NRXN1: variants seen among roughly 807,000 people sequenced by gnomAD.
NRXN1 encodes neurexin 1.
NRXN1 carries 39 observed loss-of-function variants against 150.9 expected under a neutral mutation model. That is an observed-to-expected ratio of 0.26 (90% CI 0.20 to 0.34). The LOEUF (loss-of-function observed/expected upper bound fraction) is 0.34, where lower values mean the gene tolerates loss of function less well. NRXN1 is among the 10% of genes least tolerant of loss of function. NRXN1 has a pLI of 1.00. For synonymous variants in NRXN1, 924 were observed against 757.0 expected (o/e 1.22, Z -3.62); for missense variants, 1,815 against 1,949.9 (o/e 0.93, Z 1.30).
At chr2:50,353,106 C>T (rs1403065424) in intron 17 of NRXN1, among the ~76,000 whole-genome samples, 2 of 152,086 alleles carry the variant, frequency 1.3e-5, no homozygotes, top group African/African-American at 2.4e-5. Context: ...TGCAGTTTGA[C>T]TTGGAAACGT....
At chr2:50,552,074 C>T (rs776362154) in intron 9 of NRXN1, among the ~76,000 whole-genome samples, 1 of 152,184 alleles carries the variant, frequency 6.6e-6, no homozygotes, top group Non-Finnish European at 1.5e-5. Context: ...TTTGGAAGGG[C>T]AGCAGAGCTT....
chr2:50,876,540 G>A (rs1452779381), intron 5 of NRXN1, among the ~76,000 whole-genome samples: 1 of 151,690 alleles, frequency 6.6e-6, no homozygotes, highest in Non-Finnish European at 1.5e-5. Flanking sequence ...CACCTTTCTG[G>A]TTCTCTTTGG....
At chr2:50,169,863 C>A (rs942381253) in intron 18 of NRXN1, among the ~76,000 whole-genome samples, 1 of 151,628 alleles carries the variant, frequency 6.6e-6, no homozygotes, top group Non-Finnish European at 1.5e-5. Flanking sequence ...GTGTGTTGGG[C>A]AGTTTGGTAC....
intron 15 of NRXN1, among the ~76,000 whole-genome samples, chr2:50,479,588 G>C (rs542395809): frequency 6.7e-6 from 1 of 150,310 alleles, no homozygotes; most frequent in African/African-American, 2.5e-5. Flanking sequence ...ATTAGTTGTT[G>C]ACTCACTGAA....
At chr2:50,167,760 A>C (rs2059775788) in intron 18 of NRXN1, among the ~76,000 whole-genome samples, 1 of 152,164 alleles carries the variant, frequency 6.6e-6, no homozygotes. Context: ...TATGCCTTTA[A>C]AAATTCTGAA....
rs1042899049 is a variant in NRXN1 at position 49,921,330 on chromosome 2, C to T, written c.*614G>A. 6.6e-6 allele frequency: 1 copy of T among 152,544 alleles called. No individual in the cohort carries two copies. Among genetic ancestry groups the T allele is most frequent in the Admixed American group, 6.5e-5 (1 of 15,276 alleles). 9.4% of individuals were successfully genotyped at this position (152,544 alleles called of 1,614,324 possible). ...CATTTTTGAAAATAAGGCCTCCATACTTTTTTTTCCTCTCTCACAACCAGA... is the reference window on the plus strand; with the variant it reads ...CATTTTTGAAAATAAGGCCTCCATATTTTTTTTTCCTCTCTCACAACCAGA... On this transcript the variant is annotated 3_prime_UTR_variant, in exon 23 of 23. Transcript: ENST00000401669.
chr2:50,055,826 T>G (rs1484406411), intron 19 of NRXN1, among the ~76,000 whole-genome samples: 1 of 152,196 alleles, frequency 6.6e-6, no homozygotes, highest in African/African-American at 2.4e-5. Flanking sequence ...TTTTATTAAG[T>G]TATTCTTTAA....
chr2:51,001,235 G>GGGGGT (rs1700025473), intron 2 of NRXN1, among the ~76,000 whole-genome samples: 4 of 99,930 alleles, frequency 4.0e-5, no homozygotes, highest in East Asian at 3.5e-4. Flanking sequence ...TCATGGGGTT[G>GGGGGT]GGGGGGGGGG....
chr2:50,507,995 A>C (rs1421177712), intron 12 of NRXN1, among the ~76,000 whole-genome samples: 2 of 151,894 alleles, frequency 1.3e-5, no homozygotes, highest in Non-Finnish European at 2.9e-5. Flanking sequence ...GAGAAGAAGA[A>C]AAAAAAAGAG....
intron 8 of NRXN1, among the ~76,000 whole-genome samples, chr2:50,618,144 C>T (rs572882394): frequency 2.4e-4 from 37 of 152,266 alleles, no homozygotes; most frequent in African/African-American, 8.4e-4. Context: ...CCTGGCCTGG[C>T]TCACAGTGAA....
At chr2:50,981,440 A>G (rs72828333) in intron 2 of NRXN1, among the ~76,000 whole-genome samples, 18,325 of 137,842 alleles carry the variant, frequency 0.13, 1,445 homozygotes, top group Middle Eastern at 0.17. Context: ...CCTGGGTGAC[A>G]GATAGAAACT....
At chr2:50,331,028 T>C (rs1428898152) in intron 17 of NRXN1, among the ~76,000 whole-genome samples, 2 of 152,048 alleles carry the variant, frequency 1.3e-5, no homozygotes, top group African/African-American at 4.8e-5. Context: ...GAATGCAAAA[T>C]TATAACCCAA....
chr2:50,062,264 T>A (rs1694659513), intron 19 of NRXN1, among the ~76,000 whole-genome samples: 1 of 152,014 alleles, frequency 6.6e-6, no homozygotes, highest in Non-Finnish European at 1.5e-5. Flanking sequence ...GATTAGGTCA[T>A]GAGGAAAGAG....
At chr2:50,546,354 T>C (rs2093493936) in intron 9 of NRXN1, among the ~76,000 whole-genome samples, 1 of 152,136 alleles carries the variant, frequency 6.6e-6, no homozygotes, top group Admixed American at 6.5e-5. Flanking sequence ...GTGAGTTTCT[T>C]TTCTTTAGAT....
chr2:50,922,407 T>A, intron 4 of NRXN1: 1 of 586,168 alleles, frequency 1.7e-6, no homozygotes, highest in Non-Finnish European at 3.1e-6. Flanking sequence ...TCACAATTTC[T>A]TATGTCTCAT....
intron 16 of NRXN1, among the ~76,000 whole-genome samples, chr2:50,466,160 C>T (rs2088819842): frequency 6.6e-6 from 1 of 151,492 alleles, no homozygotes. Flanking sequence ...AATAAACATA[C>T]AAGTAAAAAG....
At chr2:50,636,562 G>A (rs1223310860) in intron 5 of NRXN1, among the ~76,000 whole-genome samples, 1 of 152,116 alleles carries the variant, frequency 6.6e-6, no homozygotes, top group African/African-American at 2.4e-5. Context: ...GTCAAAATCA[G>A]GCAACATGCT....
At chr2:50,081,206 A>G (rs1409812101) in intron 19 of NRXN1, among the ~76,000 whole-genome samples, 1 of 152,174 alleles carries the variant, frequency 6.6e-6, no homozygotes, top group Non-Finnish European at 1.5e-5. Context: ...CCAGTGTATG[A>G]TATTTTATCC....
chr2:50,607,742 C>CA (rs71955231), intron 8 of NRXN1, among the ~76,000 whole-genome samples: 2,851 of 108,284 alleles, frequency 0.026, 54 homozygotes, highest in Middle Eastern at 0.06. Context: ...CTCTAAAAAT[C>CA]AAAAAAAAAA....
Sources: allele counts gnomAD v4.1 joint callset (sites outside exome capture counted in the v4.1 genomes callset), GRCh38; gene constraint gnomAD v4.1.1; transcripts MANE v1.5; gene names NCBI Gene and HGNC (gene_info 2026-07-23, HGNC 2026-07-21).